LIPI: variants seen among roughly 807,000 people sequenced by gnomAD.
LIPI encodes lipase member I.
Under a neutral mutation model 50.6 loss-of-function variants are expected in LIPI, and 59 were observed. That is an observed-to-expected ratio of 1.16 (90% confidence interval 0.94 to 1.45). LIPI has a LOEUF of 1.45. LIPI is among the 40% of genes most tolerant of loss of function. The pLI is 0.00. For missense variants in LIPI, 586 were observed against 536.3 expected (o/e 1.09, Z -0.92); for synonymous variants, 203 against 178.2 (o/e 1.14, Z -1.11).
At chr21:14,152,003 G>C (rs886700493) in intron 8 of LIPI, among the ~76,000 whole-genome samples, 1 of 151,864 alleles carries the variant, frequency 6.6e-6, no homozygotes, top group African/African-American at 2.4e-5. Flanking sequence ...AATATGGTTA[G>C]GAAAAACACT....
intron 3 of LIPI, among the ~76,000 whole-genome samples, chr21:14,182,572 GACAA>G (rs566016725): frequency 1.6e-3 from 243 of 152,162 alleles, no homozygotes; most frequent in Non-Finnish European, 2.7e-3. Context: ...ACCAATAACA[GACAA>G]ACAGAGAGCC....
At chr21:14,173,209 C>T (rs112278281) in intron 4 of LIPI, among the ~76,000 whole-genome samples, 2,624 of 152,264 alleles carry the variant, frequency 0.017, 63 homozygotes, top group African/African-American at 0.052. Context: ...GAGGGAGCTT[C>T]GGAGCAAAGG....
intron 1 of LIPI, among the ~76,000 whole-genome samples, chr21:14,204,832 A>G (rs1050826826): frequency 2.0e-5 from 3 of 151,960 alleles, no homozygotes; most frequent in Non-Finnish European, 4.4e-5. Flanking sequence ...TAATATATAT[A>G]TGATCTCAGA....
At chr21:14,202,467 A>G (rs1372680932) in intron 1 of LIPI, among the ~76,000 whole-genome samples, 2 of 152,188 alleles carry the variant, frequency 1.3e-5, no homozygotes, top group Admixed American at 6.5e-5. Context: ...ACAGCATGGT[A>G]CTGGTACCAA....
At chr21:14,140,402 A>G (rs1456767281) in intron 9 of LIPI, among the ~76,000 whole-genome samples, 1 of 152,152 alleles carries the variant, frequency 6.6e-6, no homozygotes, top group Admixed American at 6.6e-5. Context: ...AAAGTTATTT[A>G]TATATAAATA....
intron 7 of LIPI, among the ~76,000 whole-genome samples, chr21:14,163,092 GTATA>G (rs35083103): frequency 5.4e-5 from 8 of 148,716 alleles, no homozygotes; most frequent in Admixed American, 1.4e-4. Flanking sequence ...TGTTCAGACT[GTATA>G]TATATATATA....
Position 14,181,995 on chromosome 21 carries a change from A to T in LIPI, c.542-136T>A, listed in dbSNP as rs573208612. ...TTAAACCTATCCAAGAACATATCTA[A>T]AAACAAATGGAAGTGAATGAATAGC... On this transcript the variant is annotated intron_variant, in intron 3 of 9. Transcript: ENST00000681601. 19 of 665,810 alleles carry T rather than the reference A, an allele frequency of 2.9e-5. No individual in the cohort carries two copies. The African/African-American group carries it at 3.0e-4, about 11-fold the overall frequency. The allele number at this position is 665,810 out of a possible 1,614,324, so 41.2% of individuals were successfully genotyped here. A position where few individuals can be genotyped will look rare whatever the true frequency, so the allele number is the denominator to read the frequency against.
At position 14,115,541 on chromosome 21, in the gene LIPI, G is replaced by T. The variant is rs1254966848; in HGVS notation, c.1296-6461C>A. Among the ~76,000 whole-genome samples the T allele has an allele frequency of 2.6e-5, 4 of 152,064 alleles. No individual in the cohort carries two copies. In the South Asian group the frequency reaches 8.3e-4, roughly 32 times the overall value. On this transcript the variant is annotated intron_variant, in intron 9 of 9. Coordinates refer to ENST00000681601, the MANE Select transcript of LIPI (RefSeq NM_001302998.2). Reference sequence around the variant, plus strand: ...CTGATTGCCCCACAACATTTCTGGGGGCTCATCTGGGATTGGAGATTGTAG... The same window carrying T: ...CTGATTGCCCCACAACATTTCTGGGTGCTCATCTGGGATTGGAGATTGTAG...
intron 7 of LIPI, among the ~76,000 whole-genome samples, chr21:14,161,596 T>C (rs2018471917): frequency 8.4e-6 from 1 of 118,988 alleles, no homozygotes; most frequent in Admixed American, 1.0e-4. Context: ...ATCTATATAA[T>C]ATATTAATAT....
intron 9 of LIPI, 52 bp from the exon 10 acceptor site, chr21:14,109,132 C>T: frequency 7.1e-7 from 1 of 1,411,786 alleles, no homozygotes; most frequent in Non-Finnish European, 1.0e-6. Context: ...AGTAAAACAA[C>T]AGAGTTGATT....
Position 14,186,377 on chromosome 21 carries a change from C to T in LIPI, c.433-308G>A, listed in dbSNP as rs114196254. Reference sequence around the variant, plus strand: ...TTATAATAATCAACATTACTAGGTGCTTACTTTCTGCTAGCTACCTCGATA... The same window carrying T: ...TTATAATAATCAACATTACTAGGTGTTTACTTTCTGCTAGCTACCTCGATA... On this transcript the variant is annotated intron_variant, in intron 2 of 9. Coordinates refer to ENST00000681601, the MANE Select transcript of LIPI (RefSeq NM_001302998.2). Among the ~76,000 whole-genome samples, 471 of 152,252 alleles carry T rather than the reference C, an allele frequency of 3.1e-3. 2 individuals carry two copies. Among genetic ancestry groups the T allele is most frequent in the African/African-American group, 0.011 (452 of 41,546 alleles).
intron 9 of LIPI, among the ~76,000 whole-genome samples, chr21:14,141,375 TA>T (rs899830079): frequency 6.6e-5 from 6 of 91,154 alleles, no homozygotes; most frequent in African/African-American, 3.0e-4. Context: ...TGATACCAAA[TA>T]ACTTTAGTTG....
At chr21:14,167,668 G>A (rs1211263941) in intron 4 of LIPI, among the ~76,000 whole-genome samples, 1 of 152,124 alleles carries the variant, frequency 6.6e-6, no homozygotes, top group Non-Finnish European at 1.5e-5. Flanking sequence ...TCTGTTAGAA[G>A]GAAAACTAAC....
intron 1 of LIPI, among the ~76,000 whole-genome samples, chr21:14,206,187 G>A (rs1461435171): frequency 1.3e-5 from 2 of 152,060 alleles, no homozygotes; most frequent in Non-Finnish European, 2.9e-5. Flanking sequence ...ACAGTCCAGA[G>A]GCAGGCATAG....
At chr21:14,168,319 AT>A (rs2018766515) in intron 4 of LIPI, among the ~76,000 whole-genome samples, 2 of 152,322 alleles carry the variant, frequency 1.3e-5, no homozygotes, top group East Asian at 1.9e-4. Flanking sequence ...GACTTCCCCA[AT>A]CTAGCGAGGA....
intron 9 of LIPI, among the ~76,000 whole-genome samples, chr21:14,115,991 T>C (rs1600824806): frequency 6.8e-6 from 1 of 146,706 alleles, no homozygotes; most frequent in South Asian, 2.3e-4. Flanking sequence ...ACAAGAGTGG[T>C]TTGCCACCCC....
In LIPI at chr21:14,188,567, C is replaced by CAAAAA. The variant is rs577516831; in HGVS notation, c.432+462_432+466dup. On this transcript the variant is annotated intron_variant, in intron 2 of 9. Transcript: ENST00000681601. The stretch of plus-strand genomic sequence containing the variant: ...TGGGCAACAGAGTGAGAACCTGTCT[C>CAAAAA]AAAAAAAAAAAAAAAAAAAAAAAGA... Among the ~76,000 whole-genome samples, 365 of 65,856 alleles carry CAAAAA rather than the reference C, an allele frequency of 5.5e-3. 8 individuals are homozygous for CAAAAA. Among genetic ancestry groups the CAAAAA allele is most frequent in the South Asian group, 0.024 (34 of 1,392 alleles). 43.2% of individuals were successfully genotyped at this position (65,856 alleles called of 152,430 possible). A position where few individuals can be genotyped will look rare whatever the true frequency, so the allele number is the denominator to read the frequency against.
chr21:14,165,420 G>C lies in LIPI; in HGVS notation c.734-30C>G, dbSNP rs183861681. ...AGGGTTAAAAAAAAAACAAAGAACT[G>C]TAGATGTATTAAGCCATGTTCAAGT... is the stretch of plus-strand genomic sequence containing the variant. On this transcript the variant is annotated intron_variant, in intron 5 of 9. Coordinates refer to ENST00000681601, the MANE Select transcript of LIPI (RefSeq NM_001302998.2). The C allele has an allele frequency of 6.2e-5, 94 of 1,518,418 alleles. No individual in the cohort carries two copies. In the East Asian group the frequency reaches 1.7e-3, roughly 27 times the overall value. The allele number at this position is 1,518,418 out of a possible 1,614,324, so 94.1% of individuals were successfully genotyped here.
At chr21:14,139,391 G>C (rs542568458) in intron 9 of LIPI, among the ~76,000 whole-genome samples, 2 of 152,190 alleles carry the variant, frequency 1.3e-5, no homozygotes, top group Admixed American at 1.3e-4. Context: ...TTGGGTTTAA[G>C]CATTTAAAAA....
Sources: gnomAD v4.1 joint callset for allele counts (sites outside exome capture counted in the v4.1 genomes callset) on GRCh38, gnomAD v4.1.1 for gene constraint, MANE v1.5 for transcripts, NCBI Gene and HGNC (gene_info 2026-07-23, HGNC 2026-07-21) for gene names.